The following PCDHA5 variants were observed in gnomAD, a reference collection of about 807,000 sequenced individuals.
PCDHA5 encodes the protein protocadherin alpha 5, also known as protocadherin alpha-5.
A neutral mutation model predicts 61.6 loss-of-function variants in PCDHA5; 43 were observed. That is an observed-to-expected ratio of 0.70 (90% CI 0.55 to 0.90). The LOEUF (loss-of-function observed/expected upper bound fraction) is 0.90. Among genes scored for constraint, PCDHA5 ranks in the 40% least tolerant of loss-of-function variants. The pLI, the probability that PCDHA5 is intolerant of heterozygous loss-of-function variation, is 0.00. For synonymous variants in PCDHA5, 627 were observed against 543.9 expected (o/e 1.15, Z -2.13); for missense variants, 1,298 against 1,222.7 (o/e 1.06, Z -0.92).
intron 1 of PCDHA5, among the ~76,000 whole-genome samples, chr5:140,964,964 C>T (rs1035701368): frequency 2.6e-5 from 4 of 152,212 alleles, no homozygotes; most frequent in Non-Finnish European, 4.4e-5. Flanking sequence ...GTTGGTGGAA[C>T]GAAGGGATGT....
intron 1 of PCDHA5, among the ~76,000 whole-genome samples, chr5:140,911,457 A>G (rs1225259689): frequency 6.6e-6 from 1 of 152,144 alleles, no homozygotes; most frequent in Non-Finnish European, 1.5e-5. Flanking sequence ...CTCTTTCTCT[A>G]CAGGAGATAA....
chr5:140,893,781 G>A (rs113070458), intron 1 of PCDHA5, among the ~76,000 whole-genome samples: 3 of 151,996 alleles, frequency 2.0e-5, no homozygotes, highest in African/African-American at 4.8e-5. Flanking sequence ...TTCTTTTACC[G>A]TTTTTAGAAT....
intron 1 of PCDHA5, chr5:140,851,996 G>C: frequency 1.0e-6 from 1 of 976,024 alleles, no homozygotes; most frequent in Non-Finnish European, 1.2e-6. Flanking sequence ...CTATTTGTTT[G>C]TTTTCTAATT....
chr5:140,858,097 G>A (rs2045175006), intron 1 of PCDHA5: 1 of 1,597,732 alleles, frequency 6.3e-7, no homozygotes, highest in Non-Finnish European at 8.6e-7. Context: ...GGGCTTCAGT[G>A]GGCGTGGCGC....
intron 1 of PCDHA5, among the ~76,000 whole-genome samples, chr5:140,833,473 A>T (rs1772481648): frequency 6.6e-6 from 1 of 152,222 alleles, no homozygotes; most frequent in African/African-American, 2.4e-5. Context: ...ATTTTAAAAG[A>T]AATAATACAA....
chr5:140,832,249 G>A (rs1268506433), intron 1 of PCDHA5, among the ~76,000 whole-genome samples: 1 of 152,168 alleles, frequency 6.6e-6, no homozygotes, highest in Non-Finnish European at 1.5e-5. Context: ...TGTTGTCCAT[G>A]TTCCCAGGAA....
At chr5:141,005,824 G>T (rs1380044629) in intron 3 of PCDHA5, among the ~76,000 whole-genome samples, 2 of 151,660 alleles carry the variant, frequency 1.3e-5, no homozygotes, top group African/African-American at 4.8e-5. Flanking sequence ...ATGGTGGCCT[G>T]TAGTCCCAGC....
chr5:140,883,695 C>T, intron 1 of PCDHA5: 2 of 1,613,804 alleles, frequency 1.2e-6, no homozygotes, highest in Non-Finnish European at 1.7e-6. Context: ...CACATCTTCA[C>T]GGTGTCTGCT....
In PCDHA5 at chr5:141,010,220, C is replaced by T. The variant is rs114341618; in HGVS notation, c.*283C>T. ...CTCCTCCGCCGCAAAGGAGAGGCTT[C>T]CCAGCCCCGCCAGTGAGAGGTTGGA... On this transcript the variant is annotated 3_prime_UTR_variant, in exon 4 of 4. Coordinates refer to ENST00000529859, the MANE Select transcript of PCDHA5 (RefSeq NM_018908.3). 2,711 of 1,551,728 alleles carry T rather than the reference C, an allele frequency of 1.7e-3. 46 individuals are homozygous for T. The African/African-American group carries it at 0.034, about 19-fold the overall frequency.
chr5:140,999,144 G>A (rs2097848915), intron 3 of PCDHA5, among the ~76,000 whole-genome samples: 1 of 152,200 alleles, frequency 6.6e-6, no homozygotes, highest in Non-Finnish European at 1.5e-5. Context: ...ACAGCCGGAA[G>A]TCTTCAGTCC....
rs1554213778 is a variant in PCDHA5, at chr5:140,941,190, T to TC, written c.2353-37759_2353-37758insC. ...CCATCTTGAACATCCTGCTTCTTTT[T>TC]TTTTCTTTCTTCCTTTCTTTCTTCC... On this transcript the variant is annotated intron_variant, in intron 1 of 3. Coordinates refer to ENST00000529859, the MANE Select transcript of PCDHA5 (RefSeq NM_018908.3). Among the ~76,000 whole-genome samples, 446 of 129,506 alleles carry TC rather than the reference T, an allele frequency of 3.4e-3. 3 individuals are homozygous for TC. Among genetic ancestry groups the TC allele is most frequent in the South Asian group, 0.026 (101 of 3,954 alleles). The allele number at this position is 129,506 out of a possible 152,430, so 85.0% of individuals were successfully genotyped here.
chr5:140,874,266 T>C (rs1554167103), intron 1 of PCDHA5, among the ~76,000 whole-genome samples: 2 of 152,222 alleles, frequency 1.3e-5, no homozygotes, highest in Admixed American at 1.3e-4. Context: ...TTGACTTGAG[T>C]ATTAATAGAC....
At chr5:140,852,971 C>G (rs2150526229) in intron 1 of PCDHA5, 1 of 376,366 alleles carries the variant, frequency 2.7e-6, no homozygotes, top group African/African-American at 2.2e-5. Flanking sequence ...CTCCCCCTCC[C>G]GTGTTCACGC....
intron 1 of PCDHA5, among the ~76,000 whole-genome samples, chr5:140,846,525 C>T (rs140986120): frequency 1.3e-5 from 2 of 148,378 alleles, no homozygotes; most frequent in East Asian, 3.9e-4. Context: ...CAGGTGCATG[C>T]CACCATGCCC....
At chr5:140,968,982 C>G in intron 1 of PCDHA5, 1 of 1,614,226 alleles carries the variant, frequency 6.2e-7, no homozygotes, top group Non-Finnish European at 8.5e-7. Flanking sequence ...GCGTATGGCA[C>G]TGCATGCTGT....
rs1777055567 is a variant in PCDHA5, at chr5:140,841,163, T to C, written c.2352+17036T>C. 2 of 914,834 alleles carry C rather than the reference T, an allele frequency of 2.2e-6. 1 individual carries two copies. The highest frequency in any genetic ancestry group is 3.2e-6 in the Non-Finnish European group (2 of 616,240). 56.7% of individuals were successfully genotyped at this position (914,834 alleles called of 1,614,324 possible). ...CATGATGTCGCTGTCTACCAAGAAG[T>C]TCTGGTTGGTCAATGTTCAAAGTCT... On this transcript the variant is annotated intron_variant, in intron 1 of 3. Coordinates refer to ENST00000529859, the MANE Select transcript of PCDHA5 (RefSeq NM_018908.3).
intron 1 of PCDHA5, among the ~76,000 whole-genome samples, chr5:140,922,731 T>A (rs59295733): frequency 0.057 from 8,631 of 152,032 alleles, 722 homozygotes; most frequent in African/African-American, 0.19. Flanking sequence ...CTTGACAAGG[T>A]TGAGAAAAAT....
At position 140,856,616 on chromosome 5, in the gene PCDHA5, T is replaced by G. The variant is rs1554148924; in HGVS notation, c.2352+32489T>G. ...TATAAACAAAAAAGACAAAGACAAA[T>G]TCCCAGTGCTTGTTCTGCGGAAGCT... is the stretch of plus-strand genomic sequence containing the variant. On this transcript the variant is annotated intron_variant, in intron 1 of 3. Coordinates refer to ENST00000529859, the MANE Select transcript of PCDHA5 (RefSeq NM_018908.3). The G allele has an allele frequency of 2.5e-6, 4 of 1,597,862 alleles. 1 individual carries two copies. Among genetic ancestry groups the G allele is most frequent in the Non-Finnish European group, 3.4e-6 (4 of 1,167,486 alleles).
chr5:140,858,114 T>C, intron 1 of PCDHA5: 1 of 1,597,256 alleles, frequency 6.3e-7, no homozygotes, highest in Non-Finnish European at 8.6e-7. Flanking sequence ...GCGCCCGAGG[T>C]GGCCCTGGTG....
Sources: gnomAD v4.1 joint callset for allele counts (sites outside exome capture counted in the v4.1 genomes callset) on GRCh38, gnomAD v4.1.1 for gene constraint, MANE v1.5 for transcripts, NCBI Gene and HGNC (gene_info 2026-07-23, HGNC 2026-07-21) for gene names.